Variants in MRTFA observed in about 807,000 individuals in gnomAD.
MRTFA encodes the protein myocardin related transcription factor A.
In MRTFA, 20 loss-of-function variants were observed where a neutral mutation model predicts 83.5. The observed-to-expected ratio is 0.24, with a 90% CI of 0.17 to 0.35. MRTFA has a LOEUF of 0.35. Among genes scored for constraint, MRTFA ranks in the 10% least tolerant of loss-of-function variants. The pLI is 1.00. For synonymous variants in MRTFA, 659 were observed against 541.2 expected (o/e 1.22, Z -3.02); for missense variants, 1,200 against 1,224.7 (o/e 0.98, Z 0.30).
intron 3 of MRTFA, among the ~76,000 whole-genome samples, chr22:40,545,401 C>T (rs1325961172): frequency 1.3e-5 from 2 of 152,010 alleles, no homozygotes; most frequent in Non-Finnish European, 2.9e-5. Context: ...TGCCTACTGC[C>T]CCACAGGTAC....
intron 7 of MRTFA, among the ~76,000 whole-genome samples, chr22:40,425,570 T>C (rs114638493): frequency 0.018 from 2,814 of 152,308 alleles, 93 homozygotes; most frequent in African/African-American, 0.065. Context: ...TCTGAGCTTC[T>C]TCCTTACTGG....
chr22:40,431,457 C>T lies in MRTFA; in HGVS notation c.387G>A (p.Lys129=), dbSNP rs1455998451. The T allele has an allele frequency of 6.2e-7, 1 of 1,613,992 alleles. No individual in the cohort carries two copies. The highest frequency in any genetic ancestry group is 8.5e-7 in the Non-Finnish European group (1 of 1,179,972). The change falls in exon 6 of 15, where the codon AAG becomes AAA. Residue 129 remains lysine, a synonymous_variant. Coordinates refer to ENST00000355630, the MANE Select transcript of MRTFA (RefSeq NM_020831.6). ...CCGATCTCTCCGGCCGGGAACGAAT[C>T]TTCCGTTTGAGATAGTCCTCTGTCT...
intron 3 of MRTFA, among the ~76,000 whole-genome samples, chr22:40,495,909 T>C (rs1009564130): frequency 6.7e-6 from 1 of 150,056 alleles, no homozygotes; most frequent in Admixed American, 6.7e-5. Flanking sequence ...CTACTAAAAA[T>C]ATAAAAGTTA....
At chr22:40,490,992 A>G (rs6001936) in intron 3 of MRTFA, among the ~76,000 whole-genome samples, 5,731 of 152,252 alleles carry the variant, frequency 0.038, 297 homozygotes, top group African/African-American at 0.11. Flanking sequence ...GAACTTTTCT[A>G]AATAACTCAA....
At chr22:40,443,880 T>C (rs1016641599) in intron 4 of MRTFA, among the ~76,000 whole-genome samples, 1 of 152,198 alleles carries the variant, frequency 6.6e-6, no homozygotes, top group Non-Finnish European at 1.5e-5. Flanking sequence ...TGCTGGATGA[T>C]GTCAGAGGAG....
chr22:40,413,137 C>CA (rs35119560), intron 14 of MRTFA, among the ~76,000 whole-genome samples: 2,478 of 27,980 alleles, frequency 0.089, 249 homozygotes, highest in Middle Eastern at 0.16. Context: ...CACCCTGTCT[C>CA]AAAAAAAAAA....
chr22:40,540,634 G>C (rs527881067), intron 3 of MRTFA, among the ~76,000 whole-genome samples: 2 of 152,122 alleles, frequency 1.3e-5, no homozygotes, highest in African/African-American at 4.8e-5. Context: ...ACAAAAATTA[G>C]CCAGGCATGG....
chr22:40,456,275 T>C (rs1228243434), intron 4 of MRTFA, among the ~76,000 whole-genome samples: 1 of 151,970 alleles, frequency 6.6e-6, no homozygotes, highest in African/African-American at 2.4e-5. Flanking sequence ...AAAATCTCCA[T>C]ATCTTCTGCT....
chr22:40,480,873 C>T (rs1316919835), intron 3 of MRTFA, among the ~76,000 whole-genome samples: 1 of 151,650 alleles, frequency 6.6e-6, no homozygotes, highest in South Asian at 2.1e-4. Flanking sequence ...CTCAGCCTCC[C>T]GAGTATCTGG....
At chr22:40,461,204 CAAAAAAAAAAAAAAAA>C in intron 4 of MRTFA, among the ~76,000 whole-genome samples, 1 of 50,298 alleles carries the variant, frequency 2.0e-5, no homozygotes, top group South Asian at 7.2e-4. Flanking sequence ...GAACTTGTCT[CAAAAAAAAAAAAAAAA>C]AAAAAAAAAA....
rs763395491 is a variant in MRTFA at position 40,420,523 on chromosome 22, G to T, written c.1235C>A (p.Ser412Tyr). ...CGAGCTGGAGCTGCTATTGGTAGTGGAGAGGCTGCGTACTGGGGGGGTCCC... is the reference window on the plus strand; with the variant it reads ...CGAGCTGGAGCTGCTATTGGTAGTGTAGAGGCTGCGTACTGGGGGGGTCCC... Residue 412 changes from serine (S) to tyrosine (Y), a missense_variant, in exon 11 of 15, where the codon TCC (serine) becomes TAC (tyrosine). Around this residue, in one of 2 missense-constraint regions of MRTFA, gnomAD observed 1,107 missense variants for 1,041.8 expected, o/e 1.06. Transcript: ENST00000355630. 3 of 1,613,788 alleles carry T rather than the reference G, an allele frequency of 1.9e-6. No individual in the cohort carries two copies. The highest frequency in any genetic ancestry group is 3.3e-5 in the Admixed American group (2 of 60,038).
intron 3 of MRTFA, among the ~76,000 whole-genome samples, chr22:40,521,068 G>C (rs1287070232): frequency 1.3e-5 from 2 of 152,050 alleles, no homozygotes; most frequent in Non-Finnish European, 2.9e-5. Flanking sequence ...TTCATTCTGA[G>C]ATAATTATAG....
chr22:40,556,576 T>C (rs531206231), intron 2 of MRTFA, among the ~76,000 whole-genome samples: 4 of 152,326 alleles, frequency 2.6e-5, no homozygotes, highest in African/African-American at 7.2e-5. Flanking sequence ...TCAAGGGTAA[T>C]TGAGCATGGG....
chr22:40,590,921 C>T (rs1449863681), intron 2 of MRTFA, among the ~76,000 whole-genome samples: 2 of 151,734 alleles, frequency 1.3e-5, no homozygotes, highest in African/African-American at 4.8e-5. Context: ...ATCACAAAGT[C>T]AAGAAATCAA....
chr22:40,467,578 T>C (rs995715100), intron 3 of MRTFA, among the ~76,000 whole-genome samples: 1 of 152,152 alleles, frequency 6.6e-6, no homozygotes, highest in African/African-American at 2.4e-5. Flanking sequence ...CTGTGTTCAC[T>C]GCCAAAGTTA....
At chr22:40,467,674 TCA>T (rs979268628) in intron 3 of MRTFA, among the ~76,000 whole-genome samples, 7 of 152,136 alleles carry the variant, frequency 4.6e-5, no homozygotes, top group Non-Finnish European at 1.0e-4. Flanking sequence ...TGATGATTTT[TCA>T]CAGACAGTAT....
chr22:40,459,822 C>CACACAT (rs1308675939), intron 4 of MRTFA, among the ~76,000 whole-genome samples: 2 of 68,256 alleles, frequency 2.9e-5, no homozygotes, highest in South Asian at 6.7e-4. Flanking sequence ...CACACACACA[C>CACACAT]ATATATACAT....
At chr22:40,519,087 C>G (rs1290475326) in intron 3 of MRTFA, among the ~76,000 whole-genome samples, 1 of 151,176 alleles carries the variant, frequency 6.6e-6, no homozygotes, top group Non-Finnish European at 1.5e-5. Flanking sequence ...TCTTGGCTCA[C>G]CGCAACCTCT....
chr22:40,614,101 C>G (rs2056419832), intron 1 of MRTFA, among the ~76,000 whole-genome samples: 1 of 151,808 alleles, frequency 6.6e-6, no homozygotes, highest in South Asian at 2.1e-4. Flanking sequence ...ACTCGGGAGG[C>G]TGAGGCAGGA....
Sources: allele counts gnomAD v4.1 joint callset (sites outside exome capture counted in the v4.1 genomes callset), GRCh38; gene constraint gnomAD v4.1.1; regional missense constraint gnomAD v4.1.1; transcripts MANE v1.5; gene names NCBI Gene and HGNC (gene_info 2026-07-23, HGNC 2026-07-21).